The following GRIA4 variants were observed in gnomAD, a reference collection of about 807,000 sequenced individuals.
GRIA4 encodes glutamate ionotropic receptor AMPA type subunit 4.
GRIA4 carries 34 observed loss-of-function variants against 104.0 expected under a neutral mutation model. The ratio of observed to expected loss-of-function variants is 0.33; its 90% CI spans 0.25 to 0.44. The LOEUF (loss-of-function observed/expected upper bound fraction) is 0.44. Among genes scored for constraint, GRIA4 ranks in the 20% least tolerant of loss-of-function variants. The pLI is 1.00. For missense variants in GRIA4, 750 were observed against 1,096.5 expected (o/e 0.68, Z 4.46); for synonymous variants, 386 against 381.9 (o/e 1.01, Z -0.13).
chr11:105,838,337 G>C (rs1411511681), intron 4 of GRIA4, among the ~76,000 whole-genome samples: 2 of 152,014 alleles, frequency 1.3e-5, no homozygotes, highest in Non-Finnish European at 2.9e-5. Context: ...TTCTGCTGTG[G>C]GGCTTGCAGA....
At chr11:105,895,831 G>A (rs1052361652) in intron 6 of GRIA4, among the ~76,000 whole-genome samples, 3 of 152,064 alleles carry the variant, frequency 2.0e-5, no homozygotes, top group Non-Finnish European at 4.4e-5. Context: ...ATTTCTCGGG[G>A]CACTTAGACT....
intron 4 of GRIA4, among the ~76,000 whole-genome samples, chr11:105,777,110 T>C (rs932126875): frequency 6.6e-6 from 1 of 152,134 alleles, no homozygotes; most frequent in Non-Finnish European, 1.5e-5. Flanking sequence ...AAAACCATGC[T>C]CCAAACGTCA....
At chr11:105,679,173 G>A (rs1318499449) in intron 3 of GRIA4, among the ~76,000 whole-genome samples, 1 of 152,124 alleles carries the variant, frequency 6.6e-6, no homozygotes, top group Non-Finnish European at 1.5e-5. Flanking sequence ...TCTTCTAACA[G>A]AATCCCTTCT....
intron 14 of GRIA4, among the ~76,000 whole-genome samples, chr11:105,956,781 C>T (rs551887666): frequency 1.4e-4 from 22 of 152,294 alleles, no homozygotes; most frequent in Admixed American, 1.4e-3. Context: ...TGTTTCCTGA[C>T]TTTTTAATGA....
At chr11:105,913,000 T>A in intron 10 of GRIA4, 1 of 950,644 alleles carries the variant, frequency 1.1e-6, no homozygotes, top group South Asian at 4.9e-5. Flanking sequence ...TTGAAATTGA[T>A]ATGGTGTTAT....
chr11:105,830,971 C>T (rs942347827), intron 4 of GRIA4, among the ~76,000 whole-genome samples: 8 of 144,324 alleles, frequency 5.5e-5, no homozygotes, highest in African/African-American at 1.9e-4. Flanking sequence ...TACACACACG[C>T]ACACACACAC....
intron 5 of GRIA4, among the ~76,000 whole-genome samples, chr11:105,884,736 T>G (rs1462999274): frequency 6.6e-6 from 1 of 152,222 alleles, no homozygotes; most frequent in African/African-American, 2.4e-5. Flanking sequence ...TTATAAGTCC[T>G]CACTCTTTGA....
At chr11:105,758,488 G>C (rs1296402396) in intron 4 of GRIA4, among the ~76,000 whole-genome samples, 1 of 152,068 alleles carries the variant, frequency 6.6e-6, no homozygotes, top group South Asian at 2.1e-4. Flanking sequence ...ATTTGCAAAT[G>C]AATTATGATC....
chr11:105,961,332 G>GT (rs1335110917), intron 14 of GRIA4, among the ~76,000 whole-genome samples: 1 of 151,962 alleles, frequency 6.6e-6, no homozygotes, highest in Non-Finnish European at 1.5e-5. Context: ...ATCTATCCAT[G>GT]TTTTTTGCTG....
chr11:105,783,146 G>A (rs1390405649), intron 4 of GRIA4, among the ~76,000 whole-genome samples: 1 of 152,100 alleles, frequency 6.6e-6, no homozygotes, highest in East Asian at 1.9e-4. Flanking sequence ...AAAATTAAGA[G>A]TAAAATAATT....
At chr11:105,881,266 C>T (rs1045099205) in intron 5 of GRIA4, among the ~76,000 whole-genome samples, 2 of 152,118 alleles carry the variant, frequency 1.3e-5, no homozygotes, top group East Asian at 1.9e-4. Context: ...GGAAGGAGGA[C>T]ATTAATGCTC....
intron 6 of GRIA4, among the ~76,000 whole-genome samples, chr11:105,892,234 A>G (rs1946482579): frequency 6.6e-6 from 1 of 152,170 alleles, no homozygotes; most frequent in Non-Finnish European, 1.5e-5. Flanking sequence ...CTCCTCTACC[A>G]GTCAAATAAT....
At chr11:105,815,559 C>G (rs573102336) in intron 4 of GRIA4, among the ~76,000 whole-genome samples, 1 of 152,054 alleles carries the variant, frequency 6.6e-6, no homozygotes. Flanking sequence ...GTCTTTTATG[C>G]TGCCTAGTCC....
In GRIA4 at chr11:105,791,008, C is replaced by G. The variant is rs971820150; in HGVS notation, c.487+37788C>G. The stretch of plus-strand genomic sequence containing the variant: ...CCTGTGTCAGCAGATCCAATGGCCT[C>G]TCTGAGTGTGGCCCTCCCACTGGGT... On this transcript the variant is annotated intron_variant, in intron 4 of 16. Coordinates refer to ENST00000282499, the MANE Select transcript of GRIA4 (RefSeq NM_000829.4). Among the ~76,000 whole-genome samples the G allele has an allele frequency of 3.3e-5, 5 of 152,188 alleles. No individual in the cohort carries two copies. In the South Asian group the frequency reaches 1.0e-3, roughly 32 times the overall value.
chr11:105,746,380 A>G (rs1431426666), intron 3 of GRIA4, among the ~76,000 whole-genome samples: 1 of 151,982 alleles, frequency 6.6e-6, no homozygotes, highest in Non-Finnish European at 1.5e-5. Context: ...ATCAAAAATA[A>G]TTACAACAAA....
intron 4 of GRIA4, 78 bp from the exon 5 acceptor site, chr11:105,861,946 G>A (rs931313750): frequency 3.6e-6 from 3 of 823,680 alleles, no homozygotes; most frequent in African/African-American, 1.7e-5. Flanking sequence ...TAACAGTGTT[G>A]ATATAGGCTC....
At chr11:105,792,956 G>C (rs1942280461) in intron 4 of GRIA4, among the ~76,000 whole-genome samples, 1 of 151,990 alleles carries the variant, frequency 6.6e-6, no homozygotes, top group Non-Finnish European at 1.5e-5. Flanking sequence ...CTCAGAAATT[G>C]AATTATTGAG....
At chr11:105,849,253 C>T (rs72991080) in intron 4 of GRIA4, among the ~76,000 whole-genome samples, 6,188 of 152,192 alleles carry the variant, frequency 0.041, 155 homozygotes, top group Non-Finnish European at 0.054. Flanking sequence ...ATATGTTGCA[C>T]ATGATTCCTT....
At chr11:105,763,412 A>AT (rs899641001) in intron 4 of GRIA4, among the ~76,000 whole-genome samples, 2 of 152,070 alleles carry the variant, frequency 1.3e-5, no homozygotes, top group African/African-American at 2.4e-5. Context: ...TATTTAAGCT[A>AT]TTTTTTTAAA....
Sources: allele counts gnomAD v4.1 joint callset (sites outside exome capture counted in the v4.1 genomes callset), GRCh38; gene constraint gnomAD v4.1.1; transcripts MANE v1.5; gene names NCBI Gene and HGNC (gene_info 2026-07-23, HGNC 2026-07-21).